The following RANBP2 variants were observed in gnomAD, a reference collection of about 807,000 sequenced individuals.
The protein encoded by RANBP2 is E3 SUMO-protein ligase RanBP2.
Under a neutral mutation model 303.6 loss-of-function variants are expected in RANBP2, and 57 were observed. That is an observed-to-expected ratio of 0.19 (90% CI 0.15 to 0.23). The LOEUF (loss-of-function observed/expected upper bound fraction) is 0.23, where lower values mean the gene tolerates loss of function less well. RANBP2 is among the 10% of genes least tolerant of loss of function. The pLI is 1.00. For synonymous variants in RANBP2, 1,167 were observed against 1,301.5 expected (o/e 0.90, Z 2.23); for missense variants, 3,138 against 3,780.8 (o/e 0.83, Z 4.46).
the RANBP2 span, among the ~76,000 whole-genome samples, chr2:109,115,920 G>T: frequency 3.5e-4 from 53 of 152,308 alleles, 1 homozygote; most frequent in Non-Finnish European, 1.0e-4. Flanking sequence ...GAAATTCTGG[G>T]TTGAAAATTC....
the RANBP2 span, among the ~76,000 whole-genome samples, chr2:109,073,595 G>T: frequency 1.3e-5 from 2 of 150,218 alleles, no homozygotes; most frequent in Non-Finnish European, 3.0e-5. Flanking sequence ...CTTGAACCTG[G>T]GAGGCTGAGG....
At chr2:108,860,544 G>C in the RANBP2 span, among the ~76,000 whole-genome samples, 2 of 151,272 alleles carry the variant, frequency 1.3e-5, no homozygotes, top group Non-Finnish European at 2.9e-5. Flanking sequence ...AGAGATGTTG[G>C]ATTTTATCTC....
the RANBP2 span, among the ~76,000 whole-genome samples, chr2:109,251,158 A>G: frequency 7.9e-5 from 12 of 151,960 alleles, no homozygotes; most frequent in African/African-American, 2.9e-4. Flanking sequence ...ATCTGCCACC[A>G]TGCCTGGCTA....
At chr2:109,590,071 C>T in the RANBP2 span, among the ~76,000 whole-genome samples, 1 of 147,842 alleles carries the variant, frequency 6.8e-6, no homozygotes, top group Non-Finnish European at 1.5e-5. Context: ...TATATACACA[C>T]ACATATATAT....
At chr2:109,256,224 C>A in the RANBP2 span, among the ~76,000 whole-genome samples, 1 of 152,204 alleles carries the variant, frequency 6.6e-6, no homozygotes. Context: ...GAAGACCCCA[C>A]AGTTGGAGAG....
At chr2:109,393,067 G>A in the RANBP2 span, among the ~76,000 whole-genome samples, 36 of 152,284 alleles carry the variant, frequency 2.4e-4, no homozygotes, top group African/African-American at 6.3e-4. Context: ...TTGCCTGCCC[G>A]TCTCAGTGAG....
chr2:109,371,900 C>T, the RANBP2 span, among the ~76,000 whole-genome samples: 7 of 152,230 alleles, frequency 4.6e-5, no homozygotes, highest in Non-Finnish European at 8.8e-5. Context: ...GGTCCCAGGC[C>T]TGGCTGCAAG....
the RANBP2 span, among the ~76,000 whole-genome samples, chr2:109,299,473 T>C: frequency 6.6e-6 from 1 of 151,816 alleles, no homozygotes. Flanking sequence ...CCAGGGCCTT[T>C]TGAAGCAGGG....
chr2:109,415,131 A>T, the RANBP2 span, among the ~76,000 whole-genome samples: 1 of 109,188 alleles, frequency 9.2e-6, no homozygotes, highest in Non-Finnish European at 1.8e-5. Context: ...CAGCCTCTAG[A>T]AGCTGCAAAG....
the RANBP2 span, among the ~76,000 whole-genome samples, chr2:109,714,181 A>G: frequency 6.6e-6 from 1 of 152,142 alleles, no homozygotes; most frequent in Non-Finnish European, 1.5e-5. Context: ...CTGGGGCTCA[A>G]GTGATCCTCC....
chr2:109,673,265 C>G, the RANBP2 span, among the ~76,000 whole-genome samples: 3 of 152,250 alleles, frequency 2.0e-5, no homozygotes, highest in South Asian at 2.1e-4. Context: ...GGGGACAGTA[C>G]TAAGTGTTTC....
the RANBP2 span, chr2:109,347,973 C>T: frequency 1.3e-6 from 2 of 1,576,928 alleles, no homozygotes; most frequent in East Asian, 2.3e-5. Context: ...CGGGGTGGGC[C>T]CCGCCAGCCC....
the RANBP2 span, among the ~76,000 whole-genome samples, chr2:109,092,606 C>G: frequency 6.6e-6 from 1 of 152,070 alleles, no homozygotes; most frequent in Non-Finnish European, 1.5e-5. Flanking sequence ...GCACAGGGAG[C>G]AGGGTCATCA....
At chr2:109,565,348 A>G in the RANBP2 span, among the ~76,000 whole-genome samples, 5 of 152,204 alleles carry the variant, frequency 3.3e-5, no homozygotes, top group South Asian at 2.1e-4. Flanking sequence ...CTAAATGTCA[A>G]GTAGATTTAA....
the RANBP2 span, among the ~76,000 whole-genome samples, chr2:108,890,785 A>G: frequency 6.6e-6 from 1 of 152,124 alleles, no homozygotes; most frequent in Admixed American, 6.5e-5. Context: ...CTTTACTCTC[A>G]GGGATACTAA....
chr2:109,719,554 G>C, the RANBP2 span, among the ~76,000 whole-genome samples: 79 of 151,772 alleles, frequency 5.2e-4, 3 homozygotes, highest in East Asian at 0.012. Flanking sequence ...CTACAGGTGT[G>C]CGCCACTACA....
chr2:109,616,163 T>TA, the RANBP2 span: 2 of 1,397,888 alleles, frequency 1.4e-6, no homozygotes, highest in Non-Finnish European at 1.9e-6. Flanking sequence ...CAAGCTAAAT[T>TA]ATGCATTCTT....
chr2:109,400,607 G>A, the RANBP2 span, among the ~76,000 whole-genome samples: 10 of 151,228 alleles, frequency 6.6e-5, no homozygotes, highest in East Asian at 1.4e-3. Context: ...ACTTATATGC[G>A]TCCCTTCCAC....
At chr2:109,384,428 G>A in the RANBP2 span, among the ~76,000 whole-genome samples, 1 of 152,072 alleles carries the variant, frequency 6.6e-6, no homozygotes, top group Non-Finnish European at 1.5e-5. Flanking sequence ...CAGGGAGGGA[G>A]CAGGTCCAGG....
Sources: gnomAD v4.1 joint callset for allele counts (sites outside exome capture counted in the v4.1 genomes callset) on GRCh38, gnomAD v4.1.1 for gene constraint, MANE v1.5 for transcripts, NCBI Gene and HGNC (gene_info 2026-07-23, HGNC 2026-07-21) for gene names.